Variants in PLCB1 observed in about 807,000 individuals in gnomAD.
PLCB1 encodes phospholipase C beta 1, also known as 1-phosphatidylinositol 4,5-bisphosphate phosphodiesterase beta-1.
Under a neutral mutation model 161.8 loss-of-function variants are expected in PLCB1, and 46 were observed. The observed-to-expected ratio is 0.28, with a 90% CI of 0.22 to 0.36. The LOEUF (loss-of-function observed/expected upper bound fraction) is 0.36. PLCB1 is among the 10% of genes least tolerant of loss of function. The probability of loss-of-function intolerance (pLI) is 1.00; values close to 1 mark genes in which losing one functional copy is unlikely to be tolerated. For synonymous variants in PLCB1, 517 were observed against 503.7 expected, an observed-to-expected ratio of 1.03 and a Z score of -0.35; for missense variants, 1,016 against 1,472.5, an observed-to-expected ratio of 0.69 and a Z score of 5.07.
intron 14 of PLCB1, 47 bp downstream of exon 14, chr20:8,717,895 G>A (rs745538045): frequency 2.6e-6 from 4 of 1,559,416 alleles, no homozygotes; most frequent in Admixed American, 1.9e-5. Flanking sequence ...GTTGGTTTAA[G>A]AATTGCTGCT....
chr20:8,431,103 T>C (rs1980020673), intron 3 of PLCB1, among the ~76,000 whole-genome samples: 1 of 152,068 alleles, frequency 6.6e-6, no homozygotes. Flanking sequence ...ATTAGTATAT[T>C]ATACATTAAC....
intron 2 of PLCB1, among the ~76,000 whole-genome samples, chr20:8,234,939 T>G (rs1467420344): frequency 6.6e-6 from 1 of 152,080 alleles, no homozygotes; most frequent in Non-Finnish European, 1.5e-5. Context: ...TGTCTCCTTG[T>G]AAGAATCCAA....
chr20:8,470,070 G>A (rs1337125856), intron 3 of PLCB1, among the ~76,000 whole-genome samples: 1 of 152,022 alleles, frequency 6.6e-6, no homozygotes, highest in Non-Finnish European at 1.5e-5. Flanking sequence ...ATAGCCTAGC[G>A]TTTTTGAGAT....
chr20:8,134,459 G>A (rs1224546532), intron 1 of PLCB1, among the ~76,000 whole-genome samples: 1 of 152,208 alleles, frequency 6.6e-6, no homozygotes, highest in Non-Finnish European at 1.5e-5. Context: ...TTGTTTGGGA[G>A]AGAATAGCCA....
chr20:8,550,892 A>G (rs1985751767), intron 3 of PLCB1, among the ~76,000 whole-genome samples: 1 of 152,036 alleles, frequency 6.6e-6, no homozygotes, highest in South Asian at 2.1e-4. Flanking sequence ...CCTCTCCCCA[A>G]GTGTCTGAAT....
At chr20:8,608,503 C>T (rs1199091744) in intron 3 of PLCB1, among the ~76,000 whole-genome samples, 1 of 152,168 alleles carries the variant, frequency 6.6e-6, no homozygotes, top group East Asian at 1.9e-4. Context: ...TATCATGTAA[C>T]GTCCCATTCC....
At chr20:8,156,557 T>C (rs2051565878) in intron 2 of PLCB1, among the ~76,000 whole-genome samples, 2 of 152,232 alleles carry the variant, frequency 1.3e-5, no homozygotes, top group Admixed American at 1.3e-4. Context: ...TTGGAACATA[T>C]TAAGTGAACA....
chr20:8,472,512 A>G (rs1005244827), intron 3 of PLCB1, among the ~76,000 whole-genome samples: 1 of 152,138 alleles, frequency 6.6e-6, no homozygotes, highest in African/African-American at 2.4e-5. Context: ...ATATACATAT[A>G]TACCATTACT....
At chr20:8,739,012 T>C (rs557958878) in intron 20 of PLCB1, among the ~76,000 whole-genome samples, 18 of 152,002 alleles carry the variant, frequency 1.2e-4, no homozygotes, top group Middle Eastern at 3.4e-3. Flanking sequence ...ATTAGTCAGG[T>C]GTGGGGGCAT....
intron 3 of PLCB1, among the ~76,000 whole-genome samples, chr20:8,536,397 A>C (rs1243218976): frequency 2.6e-5 from 4 of 152,130 alleles, no homozygotes; most frequent in African/African-American, 9.7e-5. Flanking sequence ...GTACTTCTCC[A>C]TCATTCATGC....
rs1983905293 is a variant in PLCB1 at position 8,511,814 on chromosome 20, A to G, written c.247-116480A>G. 2.0e-5 allele frequency among the ~76,000 whole-genome samples: 3 copies of G among 152,162 alleles called. 1 individual carries two copies. Among genetic ancestry groups the G allele is most frequent in the Admixed American group, 2.0e-4 (3 of 15,266 alleles). ...TTTCATAAACTGGTTGACCATTTGT[A>G]TATCTACTTTCAAGAAATGTCTATT... On this transcript the variant is annotated intron_variant, in intron 3 of 31. Transcript: ENST00000338037.
At chr20:8,746,066 G>A (rs1321209462) in intron 23 of PLCB1, among the ~76,000 whole-genome samples, 2 of 152,040 alleles carry the variant, frequency 1.3e-5, no homozygotes, top group Non-Finnish European at 2.9e-5. Context: ...CAAGTAGCCG[G>A]GACTACAGGC....
chr20:8,357,398 C>T (rs1230128469), intron 2 of PLCB1, among the ~76,000 whole-genome samples: 2 of 152,050 alleles, frequency 1.3e-5, no homozygotes, highest in Non-Finnish European at 2.9e-5. Flanking sequence ...CCTCACAGAC[C>T]AGGGAGGTAA....
chr20:8,160,553 G>A (rs925004223), intron 2 of PLCB1, among the ~76,000 whole-genome samples: 1 of 152,188 alleles, frequency 6.6e-6, no homozygotes, highest in Non-Finnish European at 1.5e-5. Context: ...AGAGAAAAGG[G>A]CTTCTACGGG....
At chr20:8,160,083 C>T (rs2051607489) in intron 2 of PLCB1, among the ~76,000 whole-genome samples, 1 of 151,848 alleles carries the variant, frequency 6.6e-6, no homozygotes, top group Admixed American at 6.6e-5. Context: ...ATCTCCAGGG[C>T]AGGGGAAAAA....
chr20:8,573,367 G>A (rs1986583159), intron 3 of PLCB1, among the ~76,000 whole-genome samples: 1 of 152,168 alleles, frequency 6.6e-6, no homozygotes, highest in South Asian at 2.1e-4. Flanking sequence ...ACTTTAACTA[G>A]GAAATGGAAC....
intron 3 of PLCB1, among the ~76,000 whole-genome samples, chr20:8,572,035 A>C (rs1257806528): frequency 6.6e-6 from 1 of 152,218 alleles, no homozygotes; most frequent in East Asian, 1.9e-4. Context: ...AAGTAAAAAA[A>C]AATTAAAATT....
At chr20:8,569,396 G>C (rs377379572) in intron 3 of PLCB1, among the ~76,000 whole-genome samples, 2 of 152,102 alleles carry the variant, frequency 1.3e-5, no homozygotes, top group Non-Finnish European at 2.9e-5. Context: ...AAATTGAGGG[G>C]TATTTAATTA....
At chr20:8,573,728 T>C (rs571236101) in intron 3 of PLCB1, among the ~76,000 whole-genome samples, 1 of 152,282 alleles carries the variant, frequency 6.6e-6, no homozygotes, top group Admixed American at 6.5e-5. Context: ...CCCAAAGGCA[T>C]AAAGAGCTTT....
Sources: gnomAD v4.1 joint callset for allele counts (sites outside exome capture counted in the v4.1 genomes callset) on GRCh38, gnomAD v4.1.1 for gene constraint, MANE v1.5 for transcripts, NCBI Gene and HGNC (gene_info 2026-07-23, HGNC 2026-07-21) for gene names.